CAMSAP2: variants seen among roughly 807,000 people sequenced by gnomAD.
CAMSAP2 encodes calmodulin-regulated spectrin-associated protein 2.
CAMSAP2 carries 26 observed loss-of-function variants against 146.1 expected under a neutral mutation model. The ratio of observed to expected loss-of-function variants is 0.18; its 90% CI spans 0.13 to 0.25. CAMSAP2 has a LOEUF of 0.25. Among genes scored for constraint, CAMSAP2 ranks in the 10% least tolerant of loss-of-function variants. CAMSAP2 has a pLI of 1.00. For missense variants in CAMSAP2, 1,381 were observed against 1,759.3 expected (o/e 0.78, Z 3.85); for synonymous variants, 499 against 596.6 (o/e 0.84, Z 2.38).
intron 4 of CAMSAP2, among the ~76,000 whole-genome samples, chr1:200,820,569 G>A (rs1666730260): frequency 6.6e-6 from 1 of 152,152 alleles, no homozygotes; most frequent in South Asian, 2.1e-4. Context: ...GTAGGTAAAT[G>A]CTTATACCTC....
At chr1:200,847,983 A>G in intron 10 of CAMSAP2, 49 bp from the exon 11 acceptor site, 1 of 1,250,606 alleles carries the variant, frequency 8.0e-7, no homozygotes, top group African/African-American at 1.5e-5. Context: ...TGATACTAAA[A>G]ATCATTTCTA....
chr1:200,770,358 A>G (rs972855257), intron 2 of CAMSAP2, among the ~76,000 whole-genome samples: 2 of 152,178 alleles, frequency 1.3e-5, no homozygotes, highest in African/African-American at 4.8e-5. Context: ...TCCAAAGCCC[A>G]TGCTTATTCT....
chr1:200,847,760 A>C (rs766312827), intron 10 of CAMSAP2, 51 bp downstream of exon 10: 64 of 1,422,084 alleles, frequency 4.5e-5, no homozygotes, highest in Non-Finnish European at 1.4e-5. Flanking sequence ...AGAAATGCAA[A>C]TTGCATCTGT....
intron 11 of CAMSAP2, among the ~76,000 whole-genome samples, chr1:200,852,259 T>A (rs775465419): frequency 2.6e-5 from 4 of 152,194 alleles, no homozygotes; most frequent in African/African-American, 4.8e-5. Flanking sequence ...TTAAAAAAAA[T>A]TTGTGCTTTT....
intron 2 of CAMSAP2, among the ~76,000 whole-genome samples, chr1:200,795,632 T>C (rs1665865465): frequency 6.6e-6 from 1 of 152,196 alleles, no homozygotes; most frequent in Non-Finnish European, 1.5e-5. Context: ...TTTCAATAGA[T>C]ATTTGAGCTA....
At chr1:200,842,859 C>T (rs111229268) in intron 7 of CAMSAP2, among the ~76,000 whole-genome samples, 3,855 of 151,926 alleles carry the variant, frequency 0.025, 69 homozygotes, top group Middle Eastern at 0.037. Context: ...GCCTGTAATT[C>T]CAGCTACTCG....
chr1:200,854,794 A>G (rs769960937), intron 13 of CAMSAP2, 23 bp from the exon 14 acceptor site: 3 of 1,596,320 alleles, frequency 1.9e-6, no homozygotes, highest in Non-Finnish European at 2.6e-6. Context: ...ATTCAGGATC[A>G]TGAATTTATC....
chr1:200,849,624 C>G lies in CAMSAP2; in HGVS notation c.2855C>G (p.Ser952Cys). 1 of 1,614,190 alleles carries G rather than the reference C, an allele frequency of 6.2e-7. No homozygotes were observed. The highest frequency in any genetic ancestry group is 1.3e-5 in the African/African-American group (1 of 75,042). ...GCCATTGCACCATTCTCCTCAGACT[C>G]CCCTCGTCCTACTCACCCATCTCCA... ...SSAIAPFSSD[S>C]PRPTHPSPQS... is the part of the protein sequence containing the mutation. Residue 952 changes from serine (S) to cysteine (C), a missense_variant, in exon 11 of 17, where the codon TCC (serine) becomes TGC (cysteine). Transcript: ENST00000358823. This position sits in a 1 kb window ranked among gnomAD's most constrained non-coding sequence, Gnocchi z 6.3.
chr1:200,740,181 C>T (rs957939038), intron 1 of CAMSAP2, among the ~76,000 whole-genome samples: 2 of 151,998 alleles, frequency 1.3e-5, no homozygotes, highest in Non-Finnish European at 2.9e-5. Flanking sequence ...GGGATTTGGC[C>T]AGATTCCTTT....
At chr1:200,815,742 A>AT (rs1205411896) in intron 4 of CAMSAP2, 98 bp downstream of exon 4, 1 of 565,906 alleles carries the variant, frequency 1.8e-6, no homozygotes, top group Non-Finnish European at 2.8e-6. Context: ...TTATTAAATT[A>AT]TTTTTTAGTG....
intron 2 of CAMSAP2, among the ~76,000 whole-genome samples, chr1:200,776,823 C>T (rs766705714): frequency 4.6e-5 from 7 of 151,776 alleles, no homozygotes; most frequent in Non-Finnish European, 8.8e-5. Context: ...TTTAATGCTT[C>T]TGAAAAAAAG....
In CAMSAP2 at chr1:200,739,755, C is replaced by G; in HGVS notation, c.-73C>G. The G allele has an allele frequency of 6.6e-7, 1 of 1,509,710 alleles. No homozygotes were observed. The highest frequency in any genetic ancestry group is 9.0e-7 in the Non-Finnish European group (1 of 1,113,940). The allele number at this position is 1,509,710 out of a possible 1,614,324, so 93.5% of individuals were successfully genotyped here. On this transcript the variant is annotated 5_prime_UTR_variant, in exon 1 of 17. Coordinates refer to ENST00000358823, the MANE Select transcript of CAMSAP2 (RefSeq NM_203459.4). This position sits in a 1 kb window ranked among gnomAD's most constrained non-coding sequence, Gnocchi z 4.8. ...GTTTGAGCTTGCTTCTCCCTCCCTC[C>G]CGACCCCCGTGGTGGCGAGGCCACG...
At chr1:200,757,567 C>T (rs1312553579) in intron 1 of CAMSAP2, among the ~76,000 whole-genome samples, 1 of 151,342 alleles carries the variant, frequency 6.6e-6, no homozygotes, top group East Asian at 1.9e-4. Flanking sequence ...TTTGATTTTG[C>T]TGTTTATTTT....
chr1:200,741,463 A>T (rs1664172476), intron 1 of CAMSAP2, among the ~76,000 whole-genome samples: 1 of 152,254 alleles, frequency 6.6e-6, no homozygotes, highest in Non-Finnish European at 1.5e-5. Flanking sequence ...TGAAGCCGGT[A>T]TCTATTTGGA....
chr1:200,775,085 A>G (rs568289010), intron 2 of CAMSAP2, among the ~76,000 whole-genome samples: 15 of 152,376 alleles, frequency 9.8e-5, no homozygotes, highest in African/African-American at 3.1e-4. Flanking sequence ...AGGAGCTACA[A>G]GGAGTGGAAC....
At chr1:200,836,501 A>G (rs1282270981) in intron 6 of CAMSAP2, among the ~76,000 whole-genome samples, 1 of 152,164 alleles carries the variant, frequency 6.6e-6, no homozygotes, top group Non-Finnish European at 1.5e-5. Context: ...GTCAATGGGC[A>G]TTTAGGATGA....
Position 200,849,865 on chromosome 1 carries a change from A to G in CAMSAP2, c.3096A>G (p.Glu1032=). The G allele has an allele frequency of 1.9e-6, 3 of 1,614,184 alleles. No individual in the cohort carries two copies. The South Asian group carries it at 3.3e-5, about 18-fold the overall frequency. ...FGDDGEPQLK[E]SKPKEEVKKE... ...ATGATGGAGAACCTCAGTTAAAGGAATCCAAACCTAAAGAGGAAGTTAAAA... is the reference window on the plus strand; with the variant it reads ...ATGATGGAGAACCTCAGTTAAAGGAGTCCAAACCTAAAGAGGAAGTTAAAA... Residue 1032 remains glutamate (E), a synonymous_variant, in exon 11 of 17, where the codon GAA becomes GAG. Transcript: ENST00000358823. This position sits in a 1 kb window ranked among gnomAD's most constrained non-coding sequence, Gnocchi z 6.3.
intron 3 of CAMSAP2, among the ~76,000 whole-genome samples, chr1:200,813,962 G>A (rs1209011374): frequency 6.6e-6 from 1 of 151,608 alleles, no homozygotes; most frequent in East Asian, 1.9e-4. Flanking sequence ...ACAAAAATTA[G>A]CTAGGCATGG....
At chr1:200,771,846 A>G (rs1250684009) in intron 2 of CAMSAP2, among the ~76,000 whole-genome samples, 1 of 152,150 alleles carries the variant, frequency 6.6e-6, no homozygotes, top group East Asian at 1.9e-4. Flanking sequence ...GTGCTGCTCA[A>G]TTTCCATGCT....
Sources: gnomAD v4.1 joint callset for allele counts (sites outside exome capture counted in the v4.1 genomes callset) on GRCh38, gnomAD v4.1.1 for gene constraint, Gnocchi (gnomAD v3.1) non-coding constraint, MANE v1.5 for transcripts, NCBI Gene and HGNC (gene_info 2026-07-23, HGNC 2026-07-21) for gene names.